Variants in LDAH observed in about 807,000 individuals in gnomAD.
LDAH encodes lipid droplet-associated hydrolase.
LDAH carries 26 observed loss-of-function variants against 29.6 expected under a neutral mutation model. The observed-to-expected ratio is 0.88, with a 90% CI of 0.64 to 1.22. The LOEUF is 1.22. Ranked by LOEUF, LDAH falls within the 50% of genes most tolerant of loss-of-function variation. The pLI is 0.00. For missense variants in LDAH, 344 were observed against 387.3 expected (o/e 0.89, Z 0.94); for synonymous variants, 117 against 133.0 (o/e 0.88, Z 0.83).
intron 1 of LDAH, among the ~76,000 whole-genome samples, chr2:20,818,129 T>C (rs1672983608): frequency 2.0e-5 from 3 of 152,130 alleles, no homozygotes. Flanking sequence ...ACTCTGTGAA[T>C]TGTATCAATG....
chr2:20,708,314 C>T (rs1664458148), intron 5 of LDAH, among the ~76,000 whole-genome samples: 1 of 152,050 alleles, frequency 6.6e-6, no homozygotes, highest in Non-Finnish European at 1.5e-5. Flanking sequence ...AAAATTAGCC[C>T]TAAACCAAAT....
intron 5 of LDAH, among the ~76,000 whole-genome samples, chr2:20,715,469 A>G (rs74729102): frequency 0.18 from 27,512 of 152,214 alleles, 2,868 homozygotes; most frequent in African/African-American, 0.28. Context: ...GCAAACCGGC[A>G]CAAGACAGGG....
chr2:20,763,800 GA>G (rs1241838350), intron 4 of LDAH, among the ~76,000 whole-genome samples: 1 of 152,172 alleles, frequency 6.6e-6, no homozygotes, highest in African/African-American at 2.4e-5. Context: ...ATTTAAATCT[GA>G]AAAGTGTTCA....
intron 5 of LDAH, among the ~76,000 whole-genome samples, chr2:20,716,327 CA>C (rs1330023327): frequency 6.6e-6 from 1 of 152,014 alleles, no homozygotes; most frequent in African/African-American, 2.4e-5. Flanking sequence ...GGAACCAACC[CA>C]AATGTCCATC....
chr2:20,736,184 G>A (rs1666770070), intron 5 of LDAH, among the ~76,000 whole-genome samples: 2 of 152,192 alleles, frequency 1.3e-5, no homozygotes, highest in South Asian at 4.1e-4. Context: ...GCTCACGCCT[G>A]TAATCCCAGC....
chr2:20,790,156 C>G, intron 3 of LDAH, 99 bp downstream of exon 3: 3 of 1,263,392 alleles, frequency 2.4e-6, no homozygotes, highest in Non-Finnish European at 3.3e-6. Flanking sequence ...ATGCCACAAG[C>G]AGAGGTTTCC....
intron 6 of LDAH, among the ~76,000 whole-genome samples, chr2:20,696,505 A>G (rs909768472): frequency 6.6e-6 from 1 of 152,168 alleles, no homozygotes; most frequent in African/African-American, 2.4e-5. Context: ...GCAATTTCAG[A>G]TTCCTACTTA....
chr2:20,710,150 A>G (rs889847565), intron 5 of LDAH, among the ~76,000 whole-genome samples: 4 of 152,200 alleles, frequency 2.6e-5, no homozygotes, highest in Non-Finnish European at 5.9e-5. Context: ...TCTTCAATAA[A>G]ACAATCAAAT....
chr2:20,763,736 C>G (rs1299901102), intron 4 of LDAH, among the ~76,000 whole-genome samples: 1 of 152,178 alleles, frequency 6.6e-6, no homozygotes, highest in Non-Finnish European at 1.5e-5. Context: ...GATGGGGGAA[C>G]TTTTCGATAT....
Position 20,698,505 on chromosome 2 carries a change from T to C in LDAH, c.786+3065A>G, listed in dbSNP as rs538052347. On this transcript the variant is annotated intron_variant, in intron 6 of 6. Transcript: ENST00000237822. The surrounding 1 kb of genome is among the most constrained non-coding windows in gnomAD (Gnocchi z 4.4). ...GAGTTTGAGACCAGCCTGACCAACATGGTGAAACCCTGTCTCTAGTAAAAA... is the reference window on the plus strand; with the variant it reads ...GAGTTTGAGACCAGCCTGACCAACACGGTGAAACCCTGTCTCTAGTAAAAA... 4.6e-5 allele frequency among the ~76,000 whole-genome samples: 7 copies of C among 152,136 alleles called. No individual in the cohort carries two copies. Among genetic ancestry groups the C allele is most frequent in the Admixed American group, 1.3e-4 (2 of 15,286 alleles).
At chr2:20,736,622 A>C (rs1666808743) in intron 5 of LDAH, among the ~76,000 whole-genome samples, 1 of 152,136 alleles carries the variant, frequency 6.6e-6, no homozygotes, top group African/African-American at 2.4e-5. Context: ...AAAATGGAGA[A>C]GTTCCCTTTT....
chr2:20,694,343 CA>C (rs1271208527), intron 6 of LDAH, among the ~76,000 whole-genome samples: 2 of 152,204 alleles, frequency 1.3e-5, no homozygotes, highest in Non-Finnish European at 2.9e-5. Flanking sequence ...CCCAATCTTG[CA>C]ATGTTAAAGG....
intron 5 of LDAH, among the ~76,000 whole-genome samples, chr2:20,720,864 A>G (rs1665597089): frequency 1.3e-5 from 2 of 152,150 alleles, no homozygotes; most frequent in Admixed American, 1.3e-4. Context: ...CAACAAAGGC[A>G]CTAAGAACAC....
At chr2:20,728,886 G>T (rs1457419215) in intron 5 of LDAH, among the ~76,000 whole-genome samples, 1 of 152,178 alleles carries the variant, frequency 6.6e-6, no homozygotes, top group Non-Finnish European at 1.5e-5. Flanking sequence ...AGAGCCAAGG[G>T]ATTAAAAGAT....
chr2:20,760,117 G>A (rs1049278999), intron 4 of LDAH, among the ~76,000 whole-genome samples: 3 of 151,990 alleles, frequency 2.0e-5, no homozygotes, highest in African/African-American at 7.3e-5. Flanking sequence ...TTTTGAGGTG[G>A]GGAGAGAAGT....
At chr2:20,775,683 C>T (rs1227293179) in intron 3 of LDAH, among the ~76,000 whole-genome samples, 1 of 152,116 alleles carries the variant, frequency 6.6e-6, no homozygotes, top group Non-Finnish European at 1.5e-5. Flanking sequence ...AAATATCCTC[C>T]CTCCCTGTCA....
intron 4 of LDAH, among the ~76,000 whole-genome samples, chr2:20,768,981 C>T (rs754552866): frequency 1.3e-5 from 2 of 152,120 alleles, no homozygotes; most frequent in Non-Finnish European, 2.9e-5. Context: ...TTCTGCTGTC[C>T]AGAAAATGAG....
At chr2:20,772,527 T>A (rs1669503600) in intron 4 of LDAH, among the ~76,000 whole-genome samples, 1 of 152,206 alleles carries the variant, frequency 6.6e-6, no homozygotes, top group South Asian at 2.1e-4. Context: ...TGATGGGGTA[T>A]GCAGCTCTGA....
intron 6 of LDAH, among the ~76,000 whole-genome samples, chr2:20,691,348 AT>A (rs5829754): frequency 3.3e-5 from 5 of 151,180 alleles, no homozygotes; most frequent in Non-Finnish European, 7.4e-5. Flanking sequence ...CTAATTTTTA[AT>A]TTTTTTTTGT....
Sources: gnomAD v4.1 joint callset for allele counts (sites outside exome capture counted in the v4.1 genomes callset) on GRCh38, gnomAD v4.1.1 for gene constraint, Gnocchi (gnomAD v3.1) non-coding constraint, MANE v1.5 for transcripts, NCBI Gene and HGNC (gene_info 2026-07-23, HGNC 2026-07-21) for gene names.